SYF2: variants seen among roughly 807,000 people sequenced by gnomAD.
SYF2 encodes SYF2 pre-mRNA splicing factor.
A neutral mutation model predicts 32.7 loss-of-function variants in SYF2; 21 were observed. That is an observed-to-expected ratio of 0.64 (90% CI 0.45 to 0.92). The LOEUF is 0.92. SYF2 is among the 40% of genes least tolerant of loss of function. The pLI, the probability that SYF2 is intolerant of heterozygous loss-of-function variation, is 0.00. For missense variants in SYF2, 278 were observed against 296.5 expected (o/e 0.94, Z 0.46); for synonymous variants, 114 against 103.9 (o/e 1.10, Z -0.59).
rs192197192 is a variant in SYF2, at chr1:25,223,572, G to A, written c.567-141C>T. On this transcript the variant is annotated intron_variant, in intron 6 of 6. Coordinates refer to ENST00000236273, the MANE Select transcript of SYF2 (RefSeq NM_015484.5). ...AGGAAGCCAGGAGAGTTTTCATCAA[G>A]TTAAAGTTGAAACTGAATTAATGGC... 1,212 of 764,376 alleles carry A rather than the reference G, an allele frequency of 1.6e-3. 5 individuals are homozygous for A. The African/African-American group carries it at 0.016, about 10-fold the overall frequency. 47.3% of individuals were successfully genotyped at this position (764,376 alleles called of 1,614,324 possible).
intron 5 of SYF2, 94 bp downstream of exon 5, chr1:25,227,348 C>T (rs1413267995): frequency 1.7e-5 from 18 of 1,039,024 alleles, no homozygotes; most frequent in Non-Finnish European, 2.6e-5. Flanking sequence ...ATAACCCATA[C>T]CTTAGCATTA....
chr1:25,227,118 G>A (rs1217501418), intron 5 of SYF2, among the ~76,000 whole-genome samples: 1 of 151,986 alleles, frequency 6.6e-6, no homozygotes, highest in African/African-American at 2.4e-5. Flanking sequence ...CCCCATCTCA[G>A]CTAAAACTAC....
In SYF2 at chr1:25,222,961, C is replaced by T. The variant is rs1415431327; in HGVS notation, c.*305G>A. 2.7e-5 allele frequency: 5 copies of T among 184,408 alleles called. No individual in the cohort carries two copies. Among genetic ancestry groups the T allele is most frequent in the African/African-American group, 1.2e-4 (5 of 42,182 alleles). The allele number at this position is 184,408 out of a possible 1,614,324, so 11.4% of individuals were successfully genotyped here. On this transcript the variant is annotated 3_prime_UTR_variant, in exon 7 of 7. Coordinates refer to ENST00000236273, the MANE Select transcript of SYF2 (RefSeq NM_015484.5). ...TGCTGGCAATCTTAAGCCCAAAATG[C>T]TTCAAAGATTAAACAGCCATATACA...
chr1:25,224,033 A>T (rs765722461), intron 6 of SYF2, among the ~76,000 whole-genome samples: 25 of 152,090 alleles, frequency 1.6e-4, no homozygotes, highest in Admixed American at 7.2e-4. Flanking sequence ...GTCTCTACTA[A>T]AAATACAAAA....
At chr1:25,229,250 TAG>T in intron 2 of SYF2, 127 bp from the exon 3 acceptor site, 2 of 1,132,546 alleles carry the variant, frequency 1.8e-6, no homozygotes, top group Non-Finnish European at 2.5e-6. Flanking sequence ...CTAAAAGCAA[TAG>T]AGAGCCATCA....
chr1:25,225,002 T>G lies in SYF2; in HGVS notation c.566A>C (p.Gln189Pro). 2.5e-6 allele frequency: 4 copies of G among 1,609,126 alleles called. No homozygotes were observed. Among genetic ancestry groups the G allele is most frequent in the Non-Finnish European group, 3.4e-6 (4 of 1,175,410 alleles). Reference protein sequence around the residue: ...IDRMVIDLEKQIEKRDKYSRR... With the variant: ...IDRMVIDLEKPIEKRDKYSRR... ...TCAAGCTGCTCTACTGAATACTTACTGTTTTTCCAGATCTATGACCATCCT... is the reference window on the plus strand; with the variant it reads ...TCAAGCTGCTCTACTGAATACTTACGGTTTTTCCAGATCTATGACCATCCT... The change falls in exon 6 of 7, where the codon CAG becomes CCG. Residue 189 changes from glutamine to proline, a missense_variant and splice_region_variant. By Grantham distance (76) the Gln-to-Pro change is moderately conservative. Coordinates refer to ENST00000236273, the MANE Select transcript of SYF2 (RefSeq NM_015484.5).
intron 1 of SYF2, 106 bp from the exon 2 acceptor site, chr1:25,232,317 C>A: frequency 3.8e-6 from 6 of 1,586,320 alleles, no homozygotes; most frequent in Non-Finnish European, 5.2e-6. Flanking sequence ...GGGCCTCCAC[C>A]GCCGACTTGA....
intron 5 of SYF2, among the ~76,000 whole-genome samples, chr1:25,225,537 A>T (rs750224328): frequency 6.6e-6 from 1 of 150,618 alleles, no homozygotes; most frequent in East Asian, 2.0e-4. Context: ...CAAAAAAAAA[A>T]ATTTTTTTTA....
intron 1 of SYF2, 111 bp downstream of exon 1, chr1:25,232,333 C>T (rs1347251414): frequency 1.5e-5 from 24 of 1,596,978 alleles, no homozygotes; most frequent in Non-Finnish European, 2.1e-5. Flanking sequence ...CTTGACCCCA[C>T]AGTGTCTGAG....
intron 6 of SYF2, among the ~76,000 whole-genome samples, chr1:25,224,073 G>T (rs1429151695): frequency 6.6e-6 from 1 of 151,874 alleles, no homozygotes; most frequent in Non-Finnish European, 1.5e-5. Flanking sequence ...ACACGCCTGT[G>T]GTCCCATTTA....
intron 6 of SYF2, 72 bp downstream of exon 6, chr1:25,224,930 T>C: frequency 9.5e-7 from 1 of 1,050,742 alleles, no homozygotes; most frequent in South Asian, 1.3e-5. Flanking sequence ...GCACGTCAGA[T>C]ATAGGTGCAT....
At chr1:25,228,881 G>A (rs554208502) in intron 3 of SYF2, 117 bp downstream of exon 3, 8 of 1,310,434 alleles carry the variant, frequency 6.1e-6, no homozygotes, top group Non-Finnish European at 7.3e-6. Context: ...AGCAGAGCCA[G>A]AATTTCAATT....
chr1:25,227,958 T>A (rs1379044266), intron 4 of SYF2, among the ~76,000 whole-genome samples, 160 bp downstream of exon 4: 1 of 152,204 alleles, frequency 6.6e-6, no homozygotes, highest in Non-Finnish European at 1.5e-5. Flanking sequence ...CCTTTTTTTT[T>A]AACTTCTCTC....
In SYF2 at chr1:25,225,857, C is replaced by CAA. The variant is rs554935229; in HGVS notation, c.468-759_468-758dup. Among the ~76,000 whole-genome samples, 347 of 119,440 alleles carry CAA rather than the reference C, an allele frequency of 2.9e-3. 2 individuals are homozygous for CAA. The highest frequency in any genetic ancestry group is 0.01 in the African/African-American group (335 of 32,364). 78.4% of individuals were successfully genotyped at this position (119,440 alleles called of 152,430 possible). A position where few individuals can be genotyped will look rare whatever the true frequency, so the allele number is the denominator to read the frequency against. Reference sequence around the variant, plus strand: ...CAGGCGACAGTGCAAGACTCTGTCTCAAAAAAAAAAAAATAGGGCCATGTG... The same window carrying CAA: ...CAGGCGACAGTGCAAGACTCTGTCTCAAAAAAAAAAAAAAATAGGGCCATGTG... On this transcript the variant is annotated intron_variant, in intron 5 of 6. Coordinates refer to ENST00000236273, the MANE Select transcript of SYF2 (RefSeq NM_015484.5).
chr1:25,225,876 C>T (rs1381105261), intron 5 of SYF2, among the ~76,000 whole-genome samples: 39 of 149,792 alleles, frequency 2.6e-4, no homozygotes, highest in African/African-American at 9.2e-4. Context: ...AAAAATAGGG[C>T]CATGTGCAGT....
At chr1:25,227,318 C>T (rs1050430838) in intron 5 of SYF2, 124 bp downstream of exon 5, 1 of 799,698 alleles carries the variant, frequency 1.3e-6, no homozygotes, top group Non-Finnish European at 1.9e-6. Flanking sequence ...AAAACAGAGA[C>T]CATCCTTAGA....
At chr1:25,225,584 G>A (rs1455779143) in intron 5 of SYF2, among the ~76,000 whole-genome samples, 1 of 152,064 alleles carries the variant, frequency 6.6e-6, no homozygotes. Context: ...TGGAGGCCAG[G>A]CGCAGTGGCT....
chr1:25,223,270 A>G lies in SYF2; in HGVS notation c.728T>C (p.Val243Ala). The G allele has an allele frequency of 6.2e-7, 1 of 1,612,842 alleles. No homozygotes were observed. The highest frequency in any genetic ancestry group is 8.5e-7 in the Non-Finnish European group (1 of 1,179,758). Residue 243 changes from valine (V) to alanine (A), a missense_variant, in exon 7 of 7, where the codon GTC (valine) becomes GCC (alanine). Transcript: ENST00000236273. ...TATAAACAGTTCTTGAAGGGATTAG[A>G]CAGCTGTTCCTCTTTCCAAATTCTG... ...IKQNLERGTA[V>A]
rs775264704 is a variant in SYF2 at position 25,232,474 on chromosome 1, C to T, written c.-7G>A. 6.2e-7 allele frequency: 1 copy of T among 1,613,852 alleles called. No homozygotes were observed. The highest frequency in any genetic ancestry group is 2.2e-5 in the East Asian group (1 of 44,904). ...ATGCAGCTATAGCCGCCATCACAACCTTTCTCTCTTCCCACTTCCGGCAAC... is the reference window on the plus strand; with the variant it reads ...ATGCAGCTATAGCCGCCATCACAACTTTTCTCTCTTCCCACTTCCGGCAAC... On this transcript the variant is annotated 5_prime_UTR_variant, in exon 1 of 7. Transcript: ENST00000236273.
Sources: allele counts gnomAD v4.1 joint callset (sites outside exome capture counted in the v4.1 genomes callset), GRCh38; gene constraint gnomAD v4.1.1; transcripts MANE v1.5; gene names NCBI Gene and HGNC (gene_info 2026-07-23, HGNC 2026-07-21).